Variants in GLRX3 observed in about 807,000 individuals in gnomAD.
GLRX3 encodes the protein glutaredoxin 3, also known as glutaredoxin-3.
A neutral mutation model predicts 49.5 loss-of-function variants in GLRX3; 22 were observed. That is an observed-to-expected ratio of 0.44 (90% CI 0.32 to 0.63). GLRX3 has a LOEUF of 0.63. Among genes scored for constraint, GLRX3 ranks in the 30% least tolerant of loss-of-function variants. The pLI is 0.05. For missense variants in GLRX3, 385 were observed against 396.3 expected (o/e 0.97, Z 0.24); for synonymous variants, 133 against 140.0 (o/e 0.95, Z 0.35).
intron 8 of GLRX3, among the ~76,000 whole-genome samples, chr10:130,173,820 T>C (rs767836554): frequency 6.6e-6 from 1 of 152,242 alleles, no homozygotes; most frequent in Non-Finnish European, 1.5e-5. Context: ...GCTTCTGATT[T>C]ATCCCGTCAT....
intron 1 of GLRX3, among the ~76,000 whole-genome samples, chr10:130,141,556 G>A (rs141991772): frequency 7.9e-4 from 121 of 152,272 alleles, no homozygotes; most frequent in African/African-American, 2.5e-3. Context: ...CTTGGACTTT[G>A]TGTGAGTAGA....
At chr10:130,170,445 T>C (rs566628107) in intron 7 of GLRX3, among the ~76,000 whole-genome samples, 1 of 152,222 alleles carries the variant, frequency 6.6e-6, no homozygotes, top group African/African-American at 2.4e-5. Context: ...TTAACATAAC[T>C]GGTTAATATA....
At chr10:130,169,330 G>C (rs1862757177) in intron 6 of GLRX3, 103 bp from the exon 7 acceptor site, 3 of 750,002 alleles carry the variant, frequency 4.0e-6, no homozygotes, top group Non-Finnish European at 7.3e-6. Context: ...GCTGTGAACT[G>C]TCATCCTGCC....
chr10:130,177,355 T>G (rs925439201), intron 10 of GLRX3, among the ~76,000 whole-genome samples: 14 of 152,308 alleles, frequency 9.2e-5, no homozygotes, highest in Non-Finnish European at 1.3e-4. Context: ...TTGAGAGAGA[T>G]AGAAGATTTG....
chr10:130,140,199 AATACT>A (rs2134867732), intron 1 of GLRX3, among the ~76,000 whole-genome samples: 1 of 152,344 alleles, frequency 6.6e-6, no homozygotes, highest in Admixed American at 6.5e-5. Context: ...GTAGTAGCAG[AATACT>A]ATAATAATTG....
chr10:130,147,531 C>T (rs182624374), intron 2 of GLRX3, among the ~76,000 whole-genome samples: 17 of 152,308 alleles, frequency 1.1e-4, no homozygotes, highest in East Asian at 5.8e-4. Context: ...CTGCACCTGC[C>T]ACTCATGAGG....
In GLRX3 at chr10:130,163,491, CAAT is replaced by C. The variant is rs554800900; in HGVS notation, c.478+2497_478+2499del. 4.6e-5 allele frequency among the ~76,000 whole-genome samples: 7 copies of C among 152,270 alleles called. 1 individual carries two copies. In the South Asian group the frequency reaches 1.5e-3, roughly 32 times the overall value. On this transcript the variant is annotated intron_variant, in intron 4 of 10. Coordinates refer to ENST00000331244, the MANE Select transcript of GLRX3 (RefSeq NM_006541.5). Reference sequence around the variant, plus strand: ...TTATAGTTATTTAATTAATAAAAGACAATAAATATTTTGAGATACATATGGTTG... The same window carrying C: ...TTATAGTTATTTAATTAATAAAAGACAAATATTTTGAGATACATATGGTTG...
intron 2 of GLRX3, among the ~76,000 whole-genome samples, chr10:130,153,591 C>T (rs543633755): frequency 3.9e-5 from 6 of 152,328 alleles, no homozygotes; most frequent in Non-Finnish European, 8.8e-5. Context: ...TGGAGGTCCA[C>T]TCCAGACCCT....
intron 7 of GLRX3, among the ~76,000 whole-genome samples, chr10:130,170,025 G>A (rs987569968): frequency 7.2e-5 from 11 of 152,168 alleles, no homozygotes; most frequent in East Asian, 3.8e-4. Flanking sequence ...TTGATTATGC[G>A]TCATTTTGAA....
Position 130,166,910 on chromosome 10 carries a change from T to A in GLRX3, c.652-9T>A. ...TTTTTCATAAAACTGGTATGTGTGC[T>A]TATTTTAGGAGCTAGAAGCATCTGA... On this transcript the variant is annotated splice_polypyrimidine_tract_variant and intron_variant, in intron 5 of 10. Coordinates refer to ENST00000331244, the MANE Select transcript of GLRX3 (RefSeq NM_006541.5). The A allele has an allele frequency of 6.4e-7, 1 of 1,561,632 alleles. No individual in the cohort carries two copies. The highest frequency in any genetic ancestry group is 8.7e-7 in the Non-Finnish European group (1 of 1,144,496).
Position 130,145,242 on chromosome 10 carries a change from T to A in GLRX3, c.124T>A (p.Trp42Arg), listed in dbSNP as rs560391020. ...SLLVVHFWAP[W>R]APQCAQMNEV... ...CCTTGTGGTCCATTTCTGGGCACCA[T>A]GGGCTCCACAGTGTGCACAGATGAA... is the stretch of plus-strand genomic sequence containing the variant. Residue 42 changes from tryptophan (W) to arginine (R), a missense_variant, in exon 2 of 11, where the codon TGG (tryptophan) becomes AGG (arginine). Physicochemically the swap from Trp to Arg is moderately radical, Grantham distance 101. Coordinates refer to ENST00000331244, the MANE Select transcript of GLRX3 (RefSeq NM_006541.5). The A allele has an allele frequency of 6.5e-7, 1 of 1,533,916 alleles. No homozygotes were observed. The highest frequency in any genetic ancestry group is 1.2e-5 in the South Asian group (1 of 86,448).
chr10:130,160,863 A>T lies in GLRX3; in HGVS notation c.344A>T (p.His115Leu), dbSNP rs944662466. The change falls in exon 4 of 11, where the codon CAT (histidine) becomes CTT (leucine). Residue 115 changes from histidine to leucine, a missense_variant. Around this residue, in one of 2 missense-constraint regions of GLRX3, gnomAD observed 374 missense variants for 358.6 expected, o/e 1.04. Coordinates refer to ENST00000331244, the MANE Select transcript of GLRX3 (RefSeq NM_006541.5). ...APELTKKVQR[H>L]ASSGSFLPSA... ...GAGTTGACCAAAAAAGTTCAGCGAC[A>T]TGCATCTAGTGGCTCCTTCCTACCC... 2.5e-6 allele frequency: 4 copies of T among 1,610,654 alleles called. No individual in the cohort carries two copies. The highest frequency in any genetic ancestry group is 3.4e-6 in the Non-Finnish European group (4 of 1,176,818).
At chr10:130,175,345 C>T (rs1316012321) in intron 10 of GLRX3, among the ~76,000 whole-genome samples, 1 of 152,142 alleles carries the variant, frequency 6.6e-6, no homozygotes, top group Non-Finnish European at 1.5e-5. Context: ...GTGATCTTCC[C>T]TGTCACTCAG....
Position 130,160,897 on chromosome 10 carries a change from T to G in GLRX3, c.378T>G (p.Asn126Lys). 1 of 1,612,958 alleles carries G rather than the reference T, an allele frequency of 6.2e-7. No individual in the cohort carries two copies. The highest frequency in any genetic ancestry group is 8.5e-7 in the Non-Finnish European group (1 of 1,178,902). Residue 126 changes from asparagine (N) to lysine (K), a missense_variant, in exon 4 of 11, where the codon AAT becomes AAG. Asn to Lys is a moderately conservative substitution (Grantham distance 94). Coordinates refer to ENST00000331244, the MANE Select transcript of GLRX3 (RefSeq NM_006541.5). The stretch of plus-strand genomic sequence containing the variant: ...GTGGCTCCTTCCTACCCAGCGCTAA[T>G]GAACATCTTAAAGAAGATCTCAACC... ...ASSGSFLPSANEHLKEDLNLR... is the reference protein window; with the variant it reads ...ASSGSFLPSAKEHLKEDLNLR...
intron 2 of GLRX3, among the ~76,000 whole-genome samples, chr10:130,152,047 G>T (rs1590062097): frequency 6.6e-6 from 1 of 151,578 alleles, no homozygotes; most frequent in African/African-American, 2.4e-5. Flanking sequence ...TTGAGACGGA[G>T]TCTCACTCTA....
Position 130,160,011 on chromosome 10 carries a change from T to TTCC in GLRX3, c.220_222dup (p.Pro74dup). 1 of 1,595,378 alleles carries TTCC rather than the reference T, an allele frequency of 6.3e-7. No homozygotes were observed. The highest frequency in any genetic ancestry group is 8.6e-7 in the Non-Finnish European group (1 of 1,162,974). On this transcript the variant is annotated inframe_insertion, in exon 3 of 11. Transcript: ENST00000331244. ...ATTTTAAAGTTGGAAGCTGAAGGTGTTCCTGAAGTATCTGAAAAATATGAA... is the reference window on the plus strand; with the variant it reads ...ATTTTAAAGTTGGAAGCTGAAGGTGTTCCTCCTGAAGTATCTGAAAAATATGAA...
chr10:130,160,193 CT>C (rs1325384604), intron 3 of GLRX3, 124 bp downstream of exon 3: 4 of 645,368 alleles, frequency 6.2e-6, no homozygotes, highest in Non-Finnish European at 1.1e-5. Flanking sequence ...GGCCCTCCAC[CT>C]TTCTTCTGAT....
At chr10:130,170,576 G>A (rs1253871001) in intron 7 of GLRX3, among the ~76,000 whole-genome samples, 1 of 151,930 alleles carries the variant, frequency 6.6e-6, no homozygotes, top group Non-Finnish European at 1.5e-5. Context: ...AAACAATAGA[G>A]GAAGTTAATA....
intron 2 of GLRX3, among the ~76,000 whole-genome samples, chr10:130,152,714 C>T (rs10829693): frequency 0.1 from 15,195 of 152,122 alleles, 780 homozygotes; most frequent in Middle Eastern, 0.13. Context: ...CCCAACCTTT[C>T]TCTCTGGCTG....
Sources: allele counts gnomAD v4.1 joint callset (sites outside exome capture counted in the v4.1 genomes callset), GRCh38; gene constraint gnomAD v4.1.1; regional missense constraint gnomAD v4.1.1; transcripts MANE v1.5; gene names NCBI Gene and HGNC (gene_info 2026-07-23, HGNC 2026-07-21).